CATSPERB: variants seen among roughly 807,000 people sequenced by gnomAD.
The protein encoded by CATSPERB is cation channel sperm-associated auxiliary subunit beta.
Under a neutral mutation model 128.3 loss-of-function variants are expected in CATSPERB, and 93 were observed. The ratio of observed to expected loss-of-function variants is 0.72; its 90% CI spans 0.61 to 0.86. The LOEUF (loss-of-function observed/expected upper bound fraction) is 0.86, where lower values mean the gene tolerates loss of function less well. Among genes scored for constraint, CATSPERB ranks in the 40% least tolerant of loss-of-function variants. CATSPERB has a pLI of 0.00. For missense variants in CATSPERB, 1,153 were observed against 1,329.5 expected (o/e 0.87, Z 2.06); for synonymous variants, 381 against 448.8 (o/e 0.85, Z 1.91).
intron 9 of CATSPERB, among the ~76,000 whole-genome samples, chr14:91,692,843 T>C (rs569066912): frequency 1.0e-3 from 158 of 152,338 alleles, no homozygotes; most frequent in African/African-American, 3.1e-3. Context: ...TAGCTATAAA[T>C]AAATGGATCA....
Position 91,591,998 on chromosome 14 carries a change from G to A in CATSPERB, c.2714C>T (p.Thr905Ile). Residue 905 changes from threonine (T) to isoleucine (I), a missense_variant, in exon 23 of 27, where the codon ACC becomes ATC. Physicochemically the swap from Thr to Ile is moderately conservative, Grantham distance 89 (BLOSUM62 -1). Coordinates refer to ENST00000256343, the MANE Select transcript of CATSPERB (RefSeq NM_024764.4). ...ATTAGCACACTGTTTGAATTTACCG[G>A]TTTTCTGCAAATAGAAGTAACAGAT... ...PRNMFHMSKK[T>I]GKFKQCANVS... The A allele has an allele frequency of 6.2e-7, 1 of 1,608,550 alleles. No individual in the cohort carries two copies. The highest frequency in any genetic ancestry group is 2.2e-5 in the East Asian group (1 of 44,826).
chr14:91,705,014 G>T (rs1017716083), intron 6 of CATSPERB, among the ~76,000 whole-genome samples: 1 of 152,186 alleles, frequency 6.6e-6, no homozygotes, highest in African/African-American at 2.4e-5. Context: ...AAATGGAATT[G>T]CTGGATCACA....
chr14:91,724,738 A>G (rs895364725), intron 3 of CATSPERB, among the ~76,000 whole-genome samples: 1 of 152,194 alleles, frequency 6.6e-6, no homozygotes, highest in African/African-American at 2.4e-5. Flanking sequence ...CAGATTTTCA[A>G]GGTCATGTGA....
chr14:91,697,348 G>GA (rs113098072), intron 7 of CATSPERB, among the ~76,000 whole-genome samples: 3,405 of 152,190 alleles, frequency 0.022, 65 homozygotes, highest in Middle Eastern at 0.058. Flanking sequence ...GTTGGGTAGT[G>GA]AAAAAAGTGA....
At chr14:91,723,281 C>A (rs901249132) in intron 3 of CATSPERB, 92 bp from the exon 4 acceptor site, 1 of 925,480 alleles carries the variant, frequency 1.1e-6, no homozygotes, top group South Asian at 3.4e-5. Flanking sequence ...TAATTCCAGT[C>A]TCTAGTTAGG....
chr14:91,594,201 A>G (rs1893459555), intron 22 of CATSPERB, among the ~76,000 whole-genome samples: 1 of 152,202 alleles, frequency 6.6e-6, no homozygotes, highest in South Asian at 2.1e-4. Context: ...ACTGGAAACC[A>G]TCATTCTCAG....
rs538626236 is a variant in CATSPERB, at chr14:91,643,454, C to T, written c.1433-4204G>A. Reference sequence around the variant, plus strand: ...CAAAGAACATCTTTATTTCTGCCTTCATTTCGTTATGTATCCAGTAGTCAT... The same window carrying T: ...CAAAGAACATCTTTATTTCTGCCTTTATTTCGTTATGTATCCAGTAGTCAT... On this transcript the variant is annotated intron_variant, in intron 15 of 26. Transcript: ENST00000256343. 2.5e-5 allele frequency among the ~76,000 whole-genome samples: 3 copies of T among 119,882 alleles called. No individual in the cohort carries two copies. In the East Asian group the frequency reaches 7.8e-4, roughly 31 times the overall value. 78.6% of individuals were successfully genotyped at this position (119,882 alleles called of 152,430 possible).
intron 14 of CATSPERB, among the ~76,000 whole-genome samples, chr14:91,669,165 T>C (rs1895042588): frequency 6.6e-6 from 1 of 152,208 alleles, no homozygotes; most frequent in Non-Finnish European, 1.5e-5. Flanking sequence ...CAGGGTATCA[T>C]CTTTAAAATC....
rs201318466 is a variant in CATSPERB, at chr14:91,673,039, A to C, written c.979-23T>G. 51 of 1,549,002 alleles carry C rather than the reference A, an allele frequency of 3.3e-5. No individual in the cohort carries two copies. In the Middle Eastern group the frequency reaches 6.7e-4, roughly 20 times the overall value. On this transcript the variant is annotated intron_variant, in intron 12 of 26. Transcript: ENST00000256343. ...TGACTATAAAAAAAAGAAGGGAAAA[A>C]TTAATGCTGTTTTTGAAATATAAGT...
chr14:91,704,529 A>G, intron 7 of CATSPERB, 23 bp downstream of exon 7: 4 of 1,580,146 alleles, frequency 2.5e-6, no homozygotes, highest in Non-Finnish European at 3.4e-6. Context: ...CAATGTCAAC[A>G]TTTAATGAAG....
intron 14 of CATSPERB, among the ~76,000 whole-genome samples, chr14:91,663,473 G>GT (rs932007209): frequency 1.4e-4 from 21 of 152,026 alleles, no homozygotes; most frequent in African/African-American, 4.6e-4. Context: ...GTGAAACCCT[G>GT]TCTCTACTAA....
intron 17 of CATSPERB, among the ~76,000 whole-genome samples, chr14:91,630,213 C>T (rs1005138762): frequency 3.3e-5 from 5 of 152,168 alleles, no homozygotes; most frequent in African/African-American, 1.2e-4. Context: ...CCACATTTTC[C>T]TGTGTTTTTT....
At position 91,636,436 on chromosome 14, in the gene CATSPERB, C is replaced by T. The variant is rs770553098; in HGVS notation, c.1731G>A (p.Val577=). 6 of 1,613,970 alleles carry T rather than the reference C, an allele frequency of 3.7e-6. No homozygotes were observed. Among genetic ancestry groups the T allele is most frequent in the Non-Finnish European group, 5.1e-6 (6 of 1,179,940 alleles). The part of the protein sequence containing the change: ...KKFGNIHYGK[V]IHSGKTGRAY... The stretch of plus-strand genomic sequence containing the variant: ...ATGCATATCACTACCCAGAGTGTAT[C>T]ACTTTTCCATAGTGTATATTGCCGA... The change falls in exon 17 of 27, where the codon GTG becomes GTA. Residue 577 remains valine, a synonymous_variant. Transcript: ENST00000256343.
intron 15 of CATSPERB, among the ~76,000 whole-genome samples, chr14:91,640,401 C>A (rs12897642): frequency 1.2e-5 from 1 of 84,846 alleles, no homozygotes; most frequent in African/African-American, 4.9e-5. Context: ...CCCCTCCCCC[C>A]ACCCCACCAC....
At chr14:91,686,312 T>C (rs1337186640) in intron 10 of CATSPERB, among the ~76,000 whole-genome samples, 1 of 152,212 alleles carries the variant, frequency 6.6e-6, no homozygotes, top group Non-Finnish European at 1.5e-5. Flanking sequence ...GGAATCATTC[T>C]TGTCTGAATA....
At chr14:91,695,100 T>A (rs1176361657) in intron 7 of CATSPERB, among the ~76,000 whole-genome samples, 4 of 152,004 alleles carry the variant, frequency 2.6e-5, no homozygotes, top group Admixed American at 2.0e-4. Flanking sequence ...TTCTGAGAAT[T>A]AAGTTTAGTT....
intron 17 of CATSPERB, among the ~76,000 whole-genome samples, chr14:91,631,295 TTG>T (rs1305453064): frequency 5.9e-5 from 9 of 152,190 alleles, no homozygotes; most frequent in Non-Finnish European, 7.3e-5. Flanking sequence ...ACTGAAACCT[TTG>T]TGTGTTGATG....
At chr14:91,700,341 A>C (rs988077503) in intron 7 of CATSPERB, among the ~76,000 whole-genome samples, 2 of 152,144 alleles carry the variant, frequency 1.3e-5, no homozygotes, top group African/African-American at 4.8e-5. Context: ...TTCTGTCTAC[A>C]TTCATCAAAA....
chr14:91,621,587 T>G, intron 19 of CATSPERB, 21 bp downstream of exon 19: 1 of 1,496,472 alleles, frequency 6.7e-7, no homozygotes, highest in Non-Finnish European at 9.0e-7. Context: ...TTTTTATATT[T>G]TCCGATCAAA....
Sources: gnomAD v4.1 joint callset for allele counts (sites outside exome capture counted in the v4.1 genomes callset) on GRCh38, gnomAD v4.1.1 for gene constraint, MANE v1.5 for transcripts, NCBI Gene and HGNC (gene_info 2026-07-23, HGNC 2026-07-21) for gene names.